Variants in CSNK1E observed in about 807,000 individuals in gnomAD.
The protein encoded by CSNK1E is casein kinase 1 epsilon.
A neutral mutation model predicts 46.1 loss-of-function variants in CSNK1E; 17 were observed. The ratio of observed to expected loss-of-function variants is 0.37; its 90% CI spans 0.25 to 0.55. The LOEUF (loss-of-function observed/expected upper bound fraction) is 0.55, where lower values mean the gene tolerates loss of function less well. CSNK1E is among the 20% of genes least tolerant of loss of function. The pLI is 0.82. For synonymous variants in CSNK1E, 241 were observed against 242.6 expected, an observed-to-expected ratio of 0.99 and a Z score of 0.06; for missense variants, 386 against 595.4, an observed-to-expected ratio of 0.65 and a Z score of 3.66.
rs774275947 is a variant in CSNK1E at position 38,294,367 on chromosome 22, C to A, written c.1053G>T (p.Thr351=). Residue 351 remains threonine (T), a synonymous_variant, in exon 8 of 11, where the codon ACG becomes ACT. Coordinates refer to ENST00000396832, the MANE Select transcript of CSNK1E (RefSeq NM_152221.3). This position sits in a 1 kb window ranked among gnomAD's most constrained non-coding sequence, Gnocchi z 5.5. ...CAGCCGGCTGGATGCGGGAGGCTGG[C>A]GTGGAAGCCACGGGCTCGGCGGCAC... The part of the protein sequence containing the change: ...LRSAAEPVAS[T]PASRIQPAGN... 1.9e-6 allele frequency: 3 copies of A among 1,565,168 alleles called. No homozygotes were observed. Among genetic ancestry groups the A allele is most frequent in the Non-Finnish European group, 2.6e-6 (3 of 1,158,634 alleles).
intron 9 of CSNK1E, 54 bp from the exon 10 acceptor site, chr22:38,293,373 TTCAAG>T (rs1367174145): frequency 1.7e-6 from 2 of 1,182,358 alleles, no homozygotes; most frequent in African/African-American, 1.5e-5. Flanking sequence ...AGGTACAAGC[TTCAAG>T]TCAAGTCCCT....
chr22:38,296,093 C>A, intron 7 of CSNK1E: 1 of 911,988 alleles, frequency 1.1e-6, no homozygotes, highest in Non-Finnish European at 1.3e-6. Context: ...AGGGCTGGAG[C>A]CCCTGCCCTT....
rs1247698499 is a variant in CSNK1E, at chr22:38,300,171, A to C, written c.566-106T>G. The C allele has an allele frequency of 1.3e-5, 14 of 1,061,896 alleles. No homozygotes were observed. In the Admixed American group the frequency reaches 2.6e-4, roughly 19 times the overall value. The allele number at this position is 1,061,896 out of a possible 1,614,324, so 65.8% of individuals were successfully genotyped here. A position where few individuals can be genotyped will look rare whatever the true frequency, so the allele number is the denominator to read the frequency against. On this transcript the variant is annotated intron_variant, in intron 5 of 10. Transcript: ENST00000396832. This position sits in a 1 kb window ranked among gnomAD's most constrained non-coding sequence, Gnocchi z 4.4. ...AATGCACCAGGACCCTCCTGCCCCC[A>C]CGTCGGATGTTGCTCACTGCACGCA...
rs576746200 is a variant in CSNK1E, at chr22:38,294,584, T to G, written c.886-50A>C. ...CAGTCAGCCCCAGAGGCCAGGGTGC[T>G]CTGGGCCCAGCAGCCCTGCAGGGCA... is the stretch of plus-strand genomic sequence containing the variant. On this transcript the variant is annotated intron_variant, in intron 7 of 10. Transcript: ENST00000396832. This position sits in a 1 kb window ranked among gnomAD's most constrained non-coding sequence, Gnocchi z 5.5. 2.6e-5 allele frequency: 40 copies of G among 1,517,520 alleles called. No individual in the cohort carries two copies. The South Asian group carries it at 4.3e-4, about 16-fold the overall frequency. 94.0% of individuals were successfully genotyped at this position (1,517,520 alleles called of 1,614,324 possible). A position where few individuals can be genotyped will look rare whatever the true frequency, so the allele number is the denominator to read the frequency against.
At chr22:38,297,762 A>G in intron 7 of CSNK1E, 1 of 998,604 alleles carries the variant, frequency 1.0e-6, no homozygotes, top group Non-Finnish European at 1.2e-6. Context: ...ACCCCATGGC[A>G]GGGCCTTTTC....
chr22:38,299,771 G>A, intron 6 of CSNK1E, 124 bp downstream of exon 6: 1 of 1,104,764 alleles, frequency 9.1e-7, no homozygotes, highest in Non-Finnish European at 1.3e-6. Flanking sequence ...GCCTCCCAAA[G>A]TGCCAGGACT....
chr22:38,301,007 G>T, intron 4 of CSNK1E, 55 bp from the exon 5 acceptor site: 2 of 1,459,930 alleles, frequency 1.4e-6, no homozygotes, highest in Non-Finnish European at 1.9e-6. Flanking sequence ...TAGCACTCTG[G>T]GCCAGGCAGG....
At position 38,303,893 on chromosome 22, in the gene CSNK1E, C is replaced by A. The variant is rs73884678; in HGVS notation, c.77-645G>T. Among the ~76,000 whole-genome samples the A allele has an allele frequency of 5.8e-3, 883 of 152,288 alleles. 13 individuals are homozygous for A. The highest frequency in any genetic ancestry group is 0.021 in the African/African-American group (865 of 41,538). On this transcript the variant is annotated intron_variant, in intron 2 of 10. Transcript: ENST00000396832. The surrounding 1 kb of genome is among the most constrained non-coding windows in gnomAD (Gnocchi z 4.7). ...TTGAGATCAACCCCGGCTCTGCTGGCCTCCAGCATAGGTCAGAGGTCCTGC... is the reference window on the plus strand; with the variant it reads ...TTGAGATCAACCCCGGCTCTGCTGGACTCCAGCATAGGTCAGAGGTCCTGC...
In CSNK1E at chr22:38,309,646, G is replaced by C. The variant is rs1428272826; in HGVS notation, c.76+4436C>G. Among the ~76,000 whole-genome samples the C allele has an allele frequency of 2.6e-5, 4 of 152,028 alleles. No individual in the cohort carries two copies. The highest frequency in any genetic ancestry group is 4.4e-5 in the Non-Finnish European group (3 of 67,996). On this transcript the variant is annotated intron_variant, in intron 2 of 10. Coordinates refer to ENST00000396832, the MANE Select transcript of CSNK1E (RefSeq NM_152221.3). The surrounding 1 kb of genome is among the most constrained non-coding windows in gnomAD (Gnocchi z 4.8). ...ATTTTTGTATTATTAGTAGAGATGG[G>C]GTTTCACCATGTTGGCCGGGCTGGT... is the stretch of plus-strand genomic sequence containing the variant.
intron 1 of CSNK1E, chr22:38,316,919 C>A (rs897775160): frequency 6.6e-6 from 1 of 151,890 alleles, no homozygotes; most frequent in African/African-American, 2.4e-5. Context: ...GCAGGCCGGC[C>A]GGGGGGCCTC....
rs965299312 is a variant in CSNK1E at position 38,302,760 on chromosome 22, T to C, written c.336+101A>G. 4 of 1,403,242 alleles carry C rather than the reference T, an allele frequency of 2.9e-6. No individual in the cohort carries two copies. In the African/African-American group the frequency reaches 4.3e-5, roughly 15 times the overall value. 86.9% of individuals were successfully genotyped at this position (1,403,242 alleles called of 1,614,324 possible). The stretch of plus-strand genomic sequence containing the variant: ...TCTATAGCCAGTGGACAAGGTCCCC[T>C]GGCCCAGGCCCATCCTCTGGCATCC... On this transcript the variant is annotated intron_variant, in intron 4 of 10. Transcript: ENST00000396832.
chr22:38,313,009 A>G (rs1181189081), intron 2 of CSNK1E, among the ~76,000 whole-genome samples: 1 of 152,192 alleles, frequency 6.6e-6, no homozygotes, highest in African/African-American at 2.4e-5. Context: ...ATAATCTGGT[A>G]CTATCTCTAG....
At chr22:38,308,548 T>C (rs1365362605) in intron 2 of CSNK1E, among the ~76,000 whole-genome samples, 2 of 152,074 alleles carry the variant, frequency 1.3e-5, no homozygotes, top group East Asian at 1.9e-4. Context: ...AGGTACCTCA[T>C]GTGTAAACCG....
intron 2 of CSNK1E, among the ~76,000 whole-genome samples, chr22:38,305,819 C>T (rs2092696235): frequency 6.6e-6 from 1 of 152,070 alleles, no homozygotes; most frequent in African/African-American, 2.4e-5. Flanking sequence ...GCACTCCTCC[C>T]AGGTGGTGGA....
chr22:38,315,482 C>G (rs1015471973), intron 1 of CSNK1E, among the ~76,000 whole-genome samples: 3 of 152,240 alleles, frequency 2.0e-5, no homozygotes, highest in Non-Finnish European at 4.4e-5. Flanking sequence ...CCTGTCTCAG[C>G]TGAGGTGCCA....
Position 38,298,108 on chromosome 22 carries a change from G to A in CSNK1E, c.885+678C>T. 2.4e-6 allele frequency: 3 copies of A among 1,269,658 alleles called. No homozygotes were observed. Among genetic ancestry groups the A allele is most frequent in the Non-Finnish European group, 3.1e-6 (3 of 971,756 alleles). 78.6% of individuals were successfully genotyped at this position (1,269,658 alleles called of 1,614,324 possible). ...AGGATCCTTACCAGTACGTGGGTGA[G>A]TACGTGGGCCCAGCACAGGGACAGG... On this transcript the variant is annotated intron_variant, in intron 7 of 10. Transcript: ENST00000396832. This position sits in a 1 kb window ranked among gnomAD's most constrained non-coding sequence, Gnocchi z 4.2.
chr22:38,315,648 C>T (rs2092741430), intron 1 of CSNK1E, among the ~76,000 whole-genome samples: 1 of 53,728 alleles, frequency 1.9e-5, no homozygotes, highest in Non-Finnish European at 4.0e-5. Flanking sequence ...GGGGGGTGTG[C>T]ACGCAACCCC....
At chr22:38,302,546 A>G (rs372766671) in intron 4 of CSNK1E, among the ~76,000 whole-genome samples, 1 of 152,104 alleles carries the variant, frequency 6.6e-6, no homozygotes, top group African/African-American at 2.4e-5. Context: ...CTCTGTCTCT[A>G]CTAAAAATAC....
chr22:38,298,854 A>G lies in CSNK1E; in HGVS notation c.817T>C (p.Phe273Leu). The G allele has an allele frequency of 6.2e-7, 1 of 1,614,182 alleles. No homozygotes were observed. Among genetic ancestry groups the G allele is most frequent in the Non-Finnish European group, 8.5e-7 (1 of 1,180,022 alleles). Reference protein sequence around the residue: ...KPDYSYLRQLFRNLFHRQGFS... With the variant: ...KPDYSYLRQLLRNLFHRQGFS... ...CCCTGCCGGTGGAAGAGGTTGCGGA[A>G]GAGCTGACGTAGGTAAGAGTAGTCG... Residue 273 changes from phenylalanine to leucine, a missense_variant, in exon 7 of 11, where the codon TTC becomes CTC. Physicochemically the swap from Phe to Leu is conservative, Grantham distance 22. Coordinates refer to ENST00000396832, the MANE Select transcript of CSNK1E (RefSeq NM_152221.3). The surrounding 1 kb of genome is among the most constrained non-coding windows in gnomAD (Gnocchi z 4.2).
Sources: gnomAD v4.1 joint callset for allele counts (sites outside exome capture counted in the v4.1 genomes callset) on GRCh38, gnomAD v4.1.1 for gene constraint, Gnocchi (gnomAD v3.1) non-coding constraint, MANE v1.5 for transcripts, NCBI Gene and HGNC (gene_info 2026-07-23, HGNC 2026-07-21) for gene names.